Variants in NWD1 observed in about 807,000 individuals in gnomAD.
NWD1 encodes NACHT domain- and WD repeat-containing protein 1.
In NWD1, 129 loss-of-function variants were observed where a neutral mutation model predicts 135.1. That is an observed-to-expected ratio of 0.96 (90% CI 0.83 to 1.11). The LOEUF is 1.11. Ranked by LOEUF, NWD1 falls within the 50% of genes least tolerant of loss-of-function variation. The pLI is 0.00. For synonymous variants in NWD1, 773 were observed against 786.0 expected (o/e 0.98, Z 0.28); for missense variants, 1,740 against 1,851.3 (o/e 0.94, Z 1.10).
intron 14 of NWD1, among the ~76,000 whole-genome samples, chr19:16,794,191 C>T (rs554460460): frequency 1.8e-4 from 28 of 152,036 alleles, no homozygotes; most frequent in Non-Finnish European, 1.9e-4. Flanking sequence ...CATGGTGAAA[C>T]CCCATCTCTA....
intron 9 of NWD1, 111 bp from the exon 10 acceptor site, chr19:16,764,923 A>T: frequency 2.6e-6 from 3 of 1,161,794 alleles, no homozygotes; most frequent in Non-Finnish European, 3.7e-6. Flanking sequence ...CAGTGTCACT[A>T]CTGCTGAGCC....
At chr19:16,754,121 C>T (rs1968687655) in intron 6 of NWD1, among the ~76,000 whole-genome samples, 1 of 151,092 alleles carries the variant, frequency 6.6e-6, no homozygotes, top group Non-Finnish European at 1.5e-5. Context: ...ATCTATCTAT[C>T]CATCATCTTG....
intron 10 of NWD1, among the ~76,000 whole-genome samples, chr19:16,772,465 G>T (rs1020342130): frequency 6.6e-6 from 1 of 152,130 alleles, no homozygotes; most frequent in Non-Finnish European, 1.5e-5. Context: ...AGCCAACATG[G>T]TGAAACCCCG....
At chr19:16,764,946 G>A (rs1043233815) in intron 9 of NWD1, 88 bp from the exon 10 acceptor site, 21 of 1,419,530 alleles carry the variant, frequency 1.5e-5, no homozygotes, top group Non-Finnish European at 2.0e-5. Context: ...AGATGCCCTG[G>A]AGGAAATGGA....
Position 16,791,339 on chromosome 19 carries a change from T to C in NWD1, c.2941-11T>C. On this transcript the variant is annotated splice_polypyrimidine_tract_variant and intron_variant, in intron 13 of 18. Coordinates refer to ENST00000524140, the MANE Select transcript of NWD1 (RefSeq NM_001007525.5). ...TGCCAAGATGCTGCTTCCTCTTCAT[T>C]ATTCTATTAGATCAATGCTTGGAAT... The C allele has an allele frequency of 6.2e-7, 1 of 1,610,010 alleles. No individual in the cohort carries two copies. Among genetic ancestry groups the C allele is most frequent in the Non-Finnish European group, 8.5e-7 (1 of 1,177,306 alleles).
At position 16,806,198 on chromosome 19, in the gene NWD1, T is replaced by C. The variant is rs568663710; in HGVS notation, c.3737-1388T>C. Among the ~76,000 whole-genome samples the C allele has an allele frequency of 1.5e-4, 23 of 152,172 alleles. No individual in the cohort carries two copies. The South Asian group carries it at 4.6e-3, about 30-fold the overall frequency. ...ATTAACAGGAGTTTCTATACCTCTA[T>C]CCTCCCAGCAGGACTGTGCCAAGTA... On this transcript the variant is annotated intron_variant, in intron 17 of 18. Coordinates refer to ENST00000524140, the MANE Select transcript of NWD1 (RefSeq NM_001007525.5).
At chr19:16,791,716 C>T in intron 14 of NWD1, 94 bp downstream of exon 14, 1 of 1,307,390 alleles carries the variant, frequency 7.6e-7, no homozygotes, top group Non-Finnish European at 1.1e-6. Context: ...TGCCTTGTAT[C>T]TTTGTTTTGT....
chr19:16,744,462 G>T lies in NWD1; in HGVS notation c.240G>T (p.Ser80=). 4 of 1,535,698 alleles carry T rather than the reference G, an allele frequency of 2.6e-6. No individual in the cohort carries two copies. The highest frequency in any genetic ancestry group is 2.6e-6 in the Non-Finnish European group (3 of 1,146,632). Residue 80 remains serine, a synonymous_variant, in exon 5 of 19, where the codon TCG becomes TCT. Transcript: ENST00000524140. ...GDQYGPCLIP[S]RIDEKEWEVL... is the part of the protein sequence containing the mutation. ...AGTACGGCCCCTGTCTGATTCCCTC[G>T]CGGATCGATGAGAAGGAGTGGGAGG...
At chr19:16,731,958 T>C (rs1165017864) in intron 3 of NWD1, among the ~76,000 whole-genome samples, 1 of 151,932 alleles carries the variant, frequency 6.6e-6, no homozygotes. Context: ...GGCTGACACC[T>C]GTAATCCCAG....
At chr19:16,812,474 G>A (rs1254127015) in intron 18 of NWD1, among the ~76,000 whole-genome samples, 2 of 151,884 alleles carry the variant, frequency 1.3e-5, no homozygotes, top group Admixed American at 1.3e-4. Context: ...TTGGAGACCA[G>A]CCTGGCCAAC....
At chr19:16,729,532 A>C (rs1239083673) in intron 2 of NWD1, among the ~76,000 whole-genome samples, 1 of 151,540 alleles carries the variant, frequency 6.6e-6, no homozygotes, top group African/African-American at 2.4e-5. Context: ...TCAGGAGTTC[A>C]AGACCAGCCT....
At chr19:16,796,799 G>A (rs1461709577) in intron 15 of NWD1, among the ~76,000 whole-genome samples, 1 of 152,044 alleles carries the variant, frequency 6.6e-6, no homozygotes, top group Non-Finnish European at 1.5e-5. Context: ...GCTAGTTTCT[G>A]AGATACCATG....
chr19:16,735,556 CA>C (rs1967760120), intron 3 of NWD1, among the ~76,000 whole-genome samples: 1 of 151,174 alleles, frequency 6.6e-6, no homozygotes, highest in South Asian at 2.1e-4. Context: ...AGTCTGGGGG[CA>C]GTGGCTCATG....
At position 16,765,117 on chromosome 19, in the gene NWD1, C is replaced by G; in HGVS notation, c.2335C>G (p.Leu779Val). The G allele has an allele frequency of 6.2e-7, 1 of 1,614,172 alleles. No individual in the cohort carries two copies. Among genetic ancestry groups the G allele is most frequent in the Non-Finnish European group, 8.5e-7 (1 of 1,180,024 alleles). ...LDDFDLCAPHLDSPEVGLVRE... is the reference protein window; with the variant it reads ...LDDFDLCAPHVDSPEVGLVRE... ...TGACTTTGACCTGTGTGCCCCTCAC[C>G]TGGACTCCCCTGAGGTTGGCCTGGT... The change falls in exon 10 of 19, where the codon CTG becomes GTG. Residue 779 changes from leucine (L) to valine (V), a missense_variant. Coordinates refer to ENST00000524140, the MANE Select transcript of NWD1 (RefSeq NM_001007525.5).
At chr19:16,735,963 C>CA (rs534777742) in intron 3 of NWD1, among the ~76,000 whole-genome samples, 12,438 of 120,542 alleles carry the variant, frequency 0.1, 981 homozygotes, top group African/African-American at 0.23. Context: ...GACTCCAACT[C>CA]AAAAAAAAAA....
At chr19:16,812,985 C>G in intron 18 of NWD1, 1 of 660,432 alleles carries the variant, frequency 1.5e-6, no homozygotes, top group Non-Finnish European at 2.7e-6. Context: ...AAGGTGTCTG[C>G]AGGCAAAGGC....
chr19:16,784,242 G>T (rs368516100), intron 12 of NWD1, among the ~76,000 whole-genome samples: 12 of 151,906 alleles, frequency 7.9e-5, no homozygotes, highest in East Asian at 5.8e-4. Flanking sequence ...GTATACAGGA[G>T]CACCTGTAGT....
intron 11 of NWD1, among the ~76,000 whole-genome samples, chr19:16,776,773 T>TAAA (rs554653148): frequency 6.0e-5 from 4 of 66,470 alleles, no homozygotes; most frequent in African/African-American, 2.3e-4. Context: ...TACAAAAAGT[T>TAAA]AAAAAAAAAA....
intron 9 of NWD1, 140 bp from the exon 10 acceptor site, chr19:16,764,894 A>G (rs544736210): frequency 3.5e-5 from 32 of 918,036 alleles, no homozygotes; most frequent in East Asian, 2.6e-5. Context: ...GCCCCTTACC[A>G]CAGAGAATGA....
Sources: gnomAD v4.1 joint callset for allele counts (sites outside exome capture counted in the v4.1 genomes callset) on GRCh38, gnomAD v4.1.1 for gene constraint, MANE v1.5 for transcripts, NCBI Gene and HGNC (gene_info 2026-07-23, HGNC 2026-07-21) for gene names.